Variants in CYB561A3 observed in about 807,000 individuals in gnomAD.
The protein encoded by CYB561A3 is cytochrome b561 family member A3, also known as lysosomal membrane ascorbate-dependent ferrireductase CYB561A3.
CYB561A3 carries 16 observed loss-of-function variants against 25.3 expected under a neutral mutation model. The ratio of observed to expected loss-of-function variants is 0.63; its 90% CI spans 0.43 to 0.96. The LOEUF (loss-of-function observed/expected upper bound fraction) is 0.96, where lower values mean the gene tolerates loss of function less well. CYB561A3 is among the 40% of genes least tolerant of loss of function. CYB561A3 has a pLI of 0.00. For synonymous variants in CYB561A3, 131 were observed against 129.9 expected (o/e 1.01, Z -0.06); for missense variants, 219 against 307.5 (o/e 0.71, Z 2.15).
intron 3 of CYB561A3, 197 bp downstream of exon 3, chr11:61,356,333 G>T: frequency 1.4e-6 from 1 of 730,940 alleles, no homozygotes; most frequent in Non-Finnish European, 2.2e-6. Context: ...TAGAGTATTT[G>T]TGAAGCCACC....
chr11:61,356,889 T>C, intron 2 of CYB561A3, 161 bp from the exon 3 acceptor site: 1 of 1,446,898 alleles, frequency 6.9e-7, no homozygotes, highest in African/African-American at 1.4e-5. Flanking sequence ...GAGGCCTCAA[T>C]GCCTGGGTGG....
intron 2 of CYB561A3, chr11:61,357,349 T>C (rs909762731): frequency 7.0e-6 from 6 of 855,488 alleles, no homozygotes; most frequent in Middle Eastern, 2.4e-4. Flanking sequence ...TCTCCAGCCC[T>C]GAGACTTCTG....
chr11:61,356,562 A>AT lies in CYB561A3; in HGVS notation c.151dup (p.Met51AsnfsTer126), dbSNP rs759621508. On this transcript the variant is annotated frameshift_variant, in exon 3 of 7. Coordinates refer to ENST00000294072, the MANE Select transcript of CYB561A3 (RefSeq NM_153611.6). LOFTEE classifies it high-confidence loss of function. ...ATAGAATACCACCATGCCAGCAACC[A>AT]TAAGCACTGGGTGCCAGTTGAACAT... 3 of 1,614,132 alleles carry AT rather than the reference A, an allele frequency of 1.9e-6. No homozygotes were observed.
intron 6 of CYB561A3, 101 bp from the exon 7 acceptor site, chr11:61,350,523 A>G (rs1386622105): frequency 1.4e-6 from 2 of 1,464,632 alleles, no homozygotes; most frequent in Non-Finnish European, 1.9e-6. Context: ...GGTGGTCCCC[A>G]TCCAAGCCAC....
At chr11:61,360,048 A>G (rs1034923655) in intron 1 of CYB561A3, 3 of 151,822 alleles carry the variant, frequency 2.0e-5, no homozygotes, top group Non-Finnish European at 4.4e-5. Context: ...GTTCCAGACC[A>G]GCCTGAGCAA....
At position 61,350,430 on chromosome 11, in the gene CYB561A3, G is replaced by A. The variant is rs1389302132; in HGVS notation, c.706-8C>T. On this transcript the variant is annotated splice_region_variant and splice_polypyrimidine_tract_variant and intron_variant, in intron 6 of 6. Coordinates refer to ENST00000294072, the MANE Select transcript of CYB561A3 (RefSeq NM_153611.6). ...CCCATCATGCAGCAGGGGCTGGAAAGAGAGGCAGATGCCCAGGAGTTAATG... is the reference window on the plus strand; with the variant it reads ...CCCATCATGCAGCAGGGGCTGGAAAAAGAGGCAGATGCCCAGGAGTTAATG... The A allele has an allele frequency of 2.5e-6, 4 of 1,611,442 alleles. No homozygotes were observed. Among genetic ancestry groups the A allele is most frequent in the Non-Finnish European group, 3.4e-6 (4 of 1,179,246 alleles).
chr11:61,356,546 C>T lies in CYB561A3; in HGVS notation c.168G>A (p.Val56=), dbSNP rs752160353. The change falls in exon 3 of 7, where the codon GTG becomes GTA. Residue 56 remains valine, a synonymous_variant. Transcript: ENST00000294072. ...CTTACTCACCACCTCCATAGAATAC[C>T]ACCATGCCAGCAACCATAAGCACTG... ...WHPVLMVAGM[V]VFYGGASLVY... 3 of 1,613,998 alleles carry T rather than the reference C, an allele frequency of 1.9e-6. No homozygotes were observed. Among genetic ancestry groups the T allele is most frequent in the Non-Finnish European group, 2.5e-6 (3 of 1,179,946 alleles).
chr11:61,357,529 C>T (rs897483177), intron 2 of CYB561A3, among the ~76,000 whole-genome samples: 14 of 152,322 alleles, frequency 9.2e-5, no homozygotes, highest in Non-Finnish European at 1.9e-4. Context: ...TGCTCTTAAA[C>T]GCTAGGTGAG....
At chr11:61,360,383 G>A (rs1251086750) in intron 1 of CYB561A3, 1 of 152,214 alleles carries the variant, frequency 6.6e-6, no homozygotes, top group Non-Finnish European at 1.5e-5. Flanking sequence ...CAGTCAGCAA[G>A]CTCTTCTGTA....
In CYB561A3 at chr11:61,349,457, C is replaced by T; in HGVS notation, c.*942G>A. 1.5e-6 allele frequency: 1 copy of T among 683,284 alleles called. No individual in the cohort carries two copies. Among genetic ancestry groups the T allele is most frequent in the Non-Finnish European group, 2.7e-6 (1 of 372,162 alleles). 42.3% of individuals were successfully genotyped at this position (683,284 alleles called of 1,614,324 possible). On this transcript the variant is annotated 3_prime_UTR_variant, in exon 7 of 7. Transcript: ENST00000294072. ...ACCTGCCCAGCGGGAGGCAGGAAGG[C>T]CCTGATCCAGCAAGGAGAAGTAGAG...
At chr11:61,351,719 T>C (rs1403290036) in intron 5 of CYB561A3, 1 of 152,282 alleles carries the variant, frequency 6.6e-6, no homozygotes, top group Non-Finnish European at 1.5e-5. Context: ...AGTTGGAGAC[T>C]AGCCTGTGCA....
In CYB561A3 at chr11:61,349,606, G is replaced by A. The variant is rs1201456835; in HGVS notation, c.*793C>T. The A allele has an allele frequency of 2.8e-6, 2 of 702,888 alleles. No individual in the cohort carries two copies. The highest frequency in any genetic ancestry group is 1.7e-5 in the African/African-American group (1 of 57,272). The allele number at this position is 702,888 out of a possible 1,614,324, so 43.5% of individuals were successfully genotyped here. On this transcript the variant is annotated 3_prime_UTR_variant, in exon 7 of 7. Coordinates refer to ENST00000294072, the MANE Select transcript of CYB561A3 (RefSeq NM_153611.6). ...GCCGGTGACAGACACGTAAGTCACA[G>A]GGAAAGGCCGGGATCCAGGCCTCAG...
Position 61,349,525 on chromosome 11 carries a change from C to G in CYB561A3, c.*874G>C. The G allele has an allele frequency of 1.4e-6, 1 of 702,866 alleles. No homozygotes were observed. Among genetic ancestry groups the G allele is most frequent in the South Asian group, 1.5e-5 (1 of 67,600 alleles). 43.5% of individuals were successfully genotyped at this position (702,866 alleles called of 1,614,324 possible). A position where few individuals can be genotyped will look rare whatever the true frequency, so the allele number is the denominator to read the frequency against. The stretch of plus-strand genomic sequence containing the variant: ...CTGTTACTCATCGCTACTGGGACAT[C>G]TGGGGACAGGCTCTGTTCTTGGGAG... On this transcript the variant is annotated 3_prime_UTR_variant, in exon 7 of 7. Transcript: ENST00000294072.
At chr11:61,355,600 G>C (rs1383530338) in intron 3 of CYB561A3, among the ~76,000 whole-genome samples, 1 of 149,322 alleles carries the variant, frequency 6.7e-6, no homozygotes, top group Non-Finnish European at 1.5e-5. Context: ...AGAATGGCCT[G>C]AACCCAGGAG....
rs1223853061 is a variant in CYB561A3, at chr11:61,356,550, A to G, written c.164T>C (p.Met55Thr). 1 of 1,614,042 alleles carries G rather than the reference A, an allele frequency of 6.2e-7. No individual in the cohort carries two copies. The highest frequency in any genetic ancestry group is 8.5e-7 in the Non-Finnish European group (1 of 1,180,004). ...NWHPVLMVAG[M>T]VVFYGGASLV... is the part of the protein sequence containing the mutation. ...CTCACCACCTCCATAGAATACCACC[A>G]TGCCAGCAACCATAAGCACTGGGTG... Residue 55 changes from methionine (M) to threonine (T), a missense_variant, in exon 3 of 7, where the codon ATG becomes ACG. Coordinates refer to ENST00000294072, the MANE Select transcript of CYB561A3 (RefSeq NM_153611.6).
chr11:61,353,241 T>C (rs1161993458), intron 4 of CYB561A3, 102 bp from the exon 5 acceptor site: 1 of 1,422,032 alleles, frequency 7.0e-7, no homozygotes. Context: ...TGGCTCTTCT[T>C]TCACAACTCA....
intron 5 of CYB561A3, 200 bp downstream of exon 5, chr11:61,352,785 C>G: frequency 7.0e-7 from 1 of 1,432,282 alleles, no homozygotes; most frequent in South Asian, 1.5e-5. Flanking sequence ...GGTGCTAAAT[C>G]AAACTGATGC....
rs1444498718 is a variant in CYB561A3, at chr11:61,350,379, G to C, written c.*20C>G. The C allele has an allele frequency of 6.2e-7, 1 of 1,607,296 alleles. No homozygotes were observed. The highest frequency in any genetic ancestry group is 1.7e-5 in the Admixed American group (1 of 58,876). On this transcript the variant is annotated 3_prime_UTR_variant, in exon 7 of 7. Transcript: ENST00000294072. ...ACAGGCTGCACCACCAGGAGCTCTT[G>C]GGAGCCCCTTCCTGCTGCTTCACTC...
In CYB561A3 at chr11:61,349,532, C is replaced by T. The variant is rs570583486; in HGVS notation, c.*867G>A. Reference sequence around the variant, plus strand: ...TCATCGCTACTGGGACATCTGGGGACAGGCTCTGTTCTTGGGAGAGCAGGT... The same window carrying T: ...TCATCGCTACTGGGACATCTGGGGATAGGCTCTGTTCTTGGGAGAGCAGGT... On this transcript the variant is annotated 3_prime_UTR_variant, in exon 7 of 7. Coordinates refer to ENST00000294072, the MANE Select transcript of CYB561A3 (RefSeq NM_153611.6). The T allele has an allele frequency of 1.6e-5, 11 of 702,926 alleles. No individual in the cohort carries two copies. The South Asian group carries it at 1.6e-4, about 10-fold the overall frequency. The allele number at this position is 702,926 out of a possible 1,614,324, so 43.5% of individuals were successfully genotyped here. A position where few individuals can be genotyped will look rare whatever the true frequency, so the allele number is the denominator to read the frequency against.
Sources: allele counts gnomAD v4.1 joint callset (sites outside exome capture counted in the v4.1 genomes callset), GRCh38; gene constraint gnomAD v4.1.1; transcripts MANE v1.5; gene names NCBI Gene and HGNC (gene_info 2026-07-23, HGNC 2026-07-21).